The following LDB2 variants were observed in gnomAD, a reference collection of about 807,000 sequenced individuals.
LDB2 encodes LIM domain binding 2.
LDB2 carries 12 observed loss-of-function variants against 44.3 expected under a neutral mutation model. That is an observed-to-expected ratio of 0.27 (90% confidence interval 0.17 to 0.44). LDB2 has a LOEUF of 0.44. LDB2 is among the 20% of genes least tolerant of loss of function. The pLI, the probability that LDB2 is intolerant of heterozygous loss-of-function variation, is 1.00. For missense variants in LDB2, 344 were observed against 473.5 expected (o/e 0.73, Z 2.54); for synonymous variants, 164 against 174.8 (o/e 0.94, Z 0.49).
intron 2 of LDB2, among the ~76,000 whole-genome samples, chr4:16,605,014 A>G (rs958919392): frequency 3.3e-5 from 5 of 152,228 alleles, no homozygotes; most frequent in African/African-American, 1.2e-4. Context: ...GGTTTAGTCC[A>G]GTAATTCCCA....
intron 5 of LDB2, among the ~76,000 whole-genome samples, chr4:16,541,115 ATGTGAAATGGT>A (rs1162486297): frequency 3.9e-5 from 6 of 152,292 alleles, no homozygotes; most frequent in African/African-American, 1.2e-4. Flanking sequence ...GGTGATCACC[ATGTGAAATGGT>A]TTGGATATAT....
chr4:16,727,138 A>T lies in LDB2; in HGVS notation c.235+32020T>A, dbSNP rs943236111. 3.3e-5 allele frequency among the ~76,000 whole-genome samples: 5 copies of T among 152,192 alleles called. No individual in the cohort carries two copies. In the South Asian group the frequency reaches 1.0e-3, roughly 32 times the overall value. Reference sequence around the variant, plus strand: ...CCTCTCAGGGTGGCTTAGAAGTAGAACTAGTAAGTTCGGTAGAGGCTGCCA... The same window carrying T: ...CCTCTCAGGGTGGCTTAGAAGTAGATCTAGTAAGTTCGGTAGAGGCTGCCA... On this transcript the variant is annotated intron_variant, in intron 2 of 7. Coordinates refer to ENST00000304523, the MANE Select transcript of LDB2 (RefSeq NM_001290.5).
intron 5 of LDB2, among the ~76,000 whole-genome samples, chr4:16,566,286 AAAT>A (rs1744496545): frequency 6.6e-6 from 1 of 152,140 alleles, no homozygotes; most frequent in South Asian, 2.1e-4. Flanking sequence ...TATTATAAAG[AAAT>A]AATAATTTAG....
chr4:16,537,695 C>CCT (rs1049774413), intron 5 of LDB2, among the ~76,000 whole-genome samples: 2 of 152,158 alleles, frequency 1.3e-5, no homozygotes, highest in African/African-American at 4.8e-5. Flanking sequence ...AATGAGGGAT[C>CCT]CTCTACTTCC....
chr4:16,646,473 T>G (rs890709210), intron 2 of LDB2, among the ~76,000 whole-genome samples: 2 of 152,216 alleles, frequency 1.3e-5, no homozygotes, highest in Admixed American at 6.5e-5. Flanking sequence ...CGTTCAACTT[T>G]GAGCTTAGCT....
rs1032301438 is a variant in LDB2, at chr4:16,680,661, A to G, written c.235+78497T>C. ...AAGTAAGTATAGAAGCATGGGTTTC[A>G]GTCCTGGTCTGTCCAACTCCAAAGC... On this transcript the variant is annotated intron_variant, in intron 2 of 7. Transcript: ENST00000304523. 1.4e-4 allele frequency among the ~76,000 whole-genome samples: 22 copies of G among 152,208 alleles called. 1 individual carries two copies. The highest frequency in any genetic ancestry group is 1.5e-5 in the Non-Finnish European group (1 of 68,038).
chr4:16,834,267 G>GGTCA (rs1416042542), intron 1 of LDB2, among the ~76,000 whole-genome samples: 1 of 152,134 alleles, frequency 6.6e-6, no homozygotes, highest in Non-Finnish European at 1.5e-5. Context: ...CTTTGCAAGG[G>GGTCA]GTCACAAGCT....
intron 4 of LDB2, among the ~76,000 whole-genome samples, chr4:16,586,530 C>A (rs868766009): frequency 8.5e-6 from 1 of 117,880 alleles, no homozygotes; most frequent in Non-Finnish European, 1.9e-5. Context: ...ACACACAAAA[C>A]ACACACACAC....
intron 1 of LDB2, among the ~76,000 whole-genome samples, chr4:16,759,959 C>T (rs1446314051): frequency 6.6e-6 from 1 of 152,172 alleles, no homozygotes; most frequent in Non-Finnish European, 1.5e-5. Context: ...TTCTCCTGCT[C>T]ATGCAGAAAA....
At chr4:16,717,187 A>AATAATAATAATAATAATAATGATG (rs56204510) in intron 2 of LDB2, among the ~76,000 whole-genome samples, 3 of 146,884 alleles carry the variant, frequency 2.0e-5, no homozygotes, top group African/African-American at 7.4e-5. Flanking sequence ...TAATAATAAT[A>AATAATAATAATAATAATAATGATG]ATGATGATGA....
intron 7 of LDB2, among the ~76,000 whole-genome samples, chr4:16,505,463 G>A (rs1039309867): frequency 6.6e-6 from 1 of 152,116 alleles, no homozygotes; most frequent in Non-Finnish European, 1.5e-5. Flanking sequence ...AAAAATTTAT[G>A]TGCATGTTTC....
intron 5 of LDB2, among the ~76,000 whole-genome samples, chr4:16,558,479 A>T (rs961026527): frequency 6.6e-6 from 1 of 152,244 alleles, no homozygotes; most frequent in East Asian, 1.9e-4. Flanking sequence ...GACGAAATGA[A>T]TGAAATGAAG....
chr4:16,723,334 A>G (rs550190542), intron 2 of LDB2, among the ~76,000 whole-genome samples: 1 of 152,284 alleles, frequency 6.6e-6, no homozygotes, highest in South Asian at 2.1e-4. Flanking sequence ...CCCATGGCGG[A>G]AGATGGAAGG....
At chr4:16,739,700 A>ATGTGTG (rs1762786041) in intron 2 of LDB2, among the ~76,000 whole-genome samples, 2 of 92,996 alleles carry the variant, frequency 2.2e-5, no homozygotes, top group African/African-American at 4.2e-5. Flanking sequence ...ATATATACAT[A>ATGTGTG]TATGTGTATA....
intron 1 of LDB2, among the ~76,000 whole-genome samples, chr4:16,852,246 T>C (rs1190566485): frequency 6.6e-6 from 1 of 152,170 alleles, no homozygotes. Flanking sequence ...ACCCAGAACA[T>C]TAGAGCATTA....
intron 2 of LDB2, among the ~76,000 whole-genome samples, chr4:16,739,626 G>GTA (rs1561054837): frequency 2.0e-5 from 1 of 49,852 alleles, no homozygotes; most frequent in South Asian, 5.4e-4. Flanking sequence ...ATACATGTGT[G>GTA]TGTATATATG....
chr4:16,615,872 T>C (rs1056483628), intron 2 of LDB2, among the ~76,000 whole-genome samples: 2 of 152,206 alleles, frequency 1.3e-5, no homozygotes, highest in Non-Finnish European at 2.9e-5. Context: ...GGAGCAGCCC[T>C]GCCTAGGACT....
intron 7 of LDB2, among the ~76,000 whole-genome samples, chr4:16,505,138 G>T (rs769424850): frequency 6.6e-6 from 1 of 152,200 alleles, no homozygotes; most frequent in Non-Finnish European, 1.5e-5. Context: ...AATCATTGAA[G>T]AAAAGTACTA....
intron 2 of LDB2, among the ~76,000 whole-genome samples, chr4:16,600,811 T>C (rs1722368704): frequency 6.6e-6 from 1 of 152,144 alleles, no homozygotes; most frequent in African/African-American, 2.4e-5. Flanking sequence ...TTGTAGATAT[T>C]AGGATATCTA....
Sources: gnomAD v4.1 joint callset for allele counts (sites outside exome capture counted in the v4.1 genomes callset) on GRCh38, gnomAD v4.1.1 for gene constraint, MANE v1.5 for transcripts, NCBI Gene and HGNC (gene_info 2026-07-23, HGNC 2026-07-21) for gene names.